PLEKHM3: variants seen among roughly 807,000 people sequenced by gnomAD.
The protein encoded by PLEKHM3 is pleckstrin homology domain containing M3, also known as pleckstrin homology domain-containing family M member 3.
A neutral mutation model predicts 81.8 loss-of-function variants in PLEKHM3; 45 were observed. The observed-to-expected ratio is 0.55, with a 90% confidence interval of 0.43 to 0.71. The LOEUF (loss-of-function observed/expected upper bound fraction) is 0.71. PLEKHM3 is among the 30% of genes least tolerant of loss of function. The pLI, the probability that PLEKHM3 is intolerant of heterozygous loss-of-function variation, is 0.00. For synonymous variants in PLEKHM3, 352 were observed against 356.4 expected, an observed-to-expected ratio of 0.99 and a Z score of 0.14; for missense variants, 788 against 924.3, an observed-to-expected ratio of 0.85 and a Z score of 1.91.
intron 5 of PLEKHM3, among the ~76,000 whole-genome samples, chr2:207,921,118 G>A (rs1196706556): frequency 6.6e-6 from 1 of 151,768 alleles, no homozygotes. Context: ...GCACTATCTT[G>A]GCTCACTGCA....
rs1176864922 is a variant in PLEKHM3 at position 207,821,290 on chromosome 2, T to C, written c.*7029A>G. On this transcript the variant is annotated 3_prime_UTR_variant, in exon 8 of 8. Transcript: ENST00000427836. ...CAAGTTGTTATGAGAAAGGAAAGTA[T>C]TTTCTGCATTGTTTATTGAGAGAGA... 2 of 152,000 alleles carry C rather than the reference T, an allele frequency of 1.3e-5. No homozygotes were observed. The highest frequency in any genetic ancestry group is 2.9e-5 in the Non-Finnish European group (2 of 68,034). 9.4% of individuals were successfully genotyped at this position (152,000 alleles called of 1,614,324 possible). A position where few individuals can be genotyped will look rare whatever the true frequency, so the allele number is the denominator to read the frequency against.
At chr2:207,989,641 C>T (rs1691834155) in intron 2 of PLEKHM3, among the ~76,000 whole-genome samples, 1 of 152,168 alleles carries the variant, frequency 6.6e-6, no homozygotes, top group Non-Finnish European at 1.5e-5. Context: ...GATTGGTTTC[C>T]ATCCCTTAGT....
intron 2 of PLEKHM3, among the ~76,000 whole-genome samples, chr2:207,980,404 CAGA>C (rs945629348): frequency 6.6e-6 from 1 of 152,068 alleles, no homozygotes; most frequent in Non-Finnish European, 1.5e-5. Context: ...CTTCTAGATG[CAGA>C]AGAAGAAAAA....
In PLEKHM3 at chr2:207,976,854, A is replaced by T; in HGVS notation, c.1343T>A (p.Met448Lys). 1 of 1,614,162 alleles carries T rather than the reference A, an allele frequency of 6.2e-7. No homozygotes were observed. Among genetic ancestry groups the T allele is most frequent in the Non-Finnish European group, 8.5e-7 (1 of 1,180,034 alleles). Residue 448 changes from methionine to lysine, a missense_variant, in exon 3 of 8, where the codon ATG becomes AAG. Transcript: ENST00000427836. This position sits in a 1 kb window ranked among gnomAD's most constrained non-coding sequence, Gnocchi z 4.1. ...ATTGGCAGCTATCTTCAGAGCCTCCATCCATTCCTGAGCCCTCTGTCGGGT... is the reference window on the plus strand; with the variant it reads ...ATTGGCAGCTATCTTCAGAGCCTCCTTCCATTCCTGAGCCCTCTGTCGGGT... ...AETRQRAQEW[M>K]EALKIAANVA...
intron 4 of PLEKHM3, among the ~76,000 whole-genome samples, chr2:207,943,516 G>C (rs1262565137): frequency 6.6e-6 from 1 of 152,174 alleles, no homozygotes; most frequent in East Asian, 1.9e-4. Flanking sequence ...CTCCAGTAGG[G>C]AGTTAGATTC....
intron 2 of PLEKHM3, among the ~76,000 whole-genome samples, chr2:207,998,760 A>G (rs1166267527): frequency 6.6e-6 from 1 of 152,188 alleles, no homozygotes; most frequent in East Asian, 1.9e-4. Context: ...TTACAATCAA[A>G]ACAAGATAGG....
At position 207,997,749 on chromosome 2, in the gene PLEKHM3, G is replaced by C. The variant is rs564669424; in HGVS notation, c.610+3281C>G. Among the ~76,000 whole-genome samples, 67 of 152,286 alleles carry C rather than the reference G, an allele frequency of 4.4e-4. 1 individual carries two copies. The highest frequency in any genetic ancestry group is 4.1e-3 in the Admixed American group (62 of 15,298). The stretch of plus-strand genomic sequence containing the variant: ...TTTCAACAAAAATGCTCACCAGGCA[G>C]TTGGAGATGCGAGTCTGCAGCTCAA... On this transcript the variant is annotated intron_variant, in intron 2 of 7. Transcript: ENST00000427836.
chr2:207,884,747 T>C (rs1687832995), intron 6 of PLEKHM3, among the ~76,000 whole-genome samples: 1 of 152,224 alleles, frequency 6.6e-6, no homozygotes, highest in Non-Finnish European at 1.5e-5. Flanking sequence ...ACTATTTAAA[T>C]ATGTATTGAA....
At chr2:208,020,156 CACAGGTAAACTGGCTAATGCGAG>C (rs555323380) in intron 1 of PLEKHM3, among the ~76,000 whole-genome samples, 148 of 152,288 alleles carry the variant, frequency 9.7e-4, no homozygotes, top group African/African-American at 3.6e-3. Flanking sequence ...CGTAAGTATT[CACAGGTAAACTGGCTAATGCGAG>C]ACAGAAGAGC....
At position 207,824,943 on chromosome 2, in the gene PLEKHM3, G is replaced by C. The variant is rs115703176; in HGVS notation, c.*3376C>G. 4 of 152,090 alleles carry C rather than the reference G, an allele frequency of 2.6e-5. No homozygotes were observed. The highest frequency in any genetic ancestry group is 9.7e-5 in the African/African-American group (4 of 41,386). 9.4% of individuals were successfully genotyped at this position (152,090 alleles called of 1,614,324 possible). On this transcript the variant is annotated 3_prime_UTR_variant, in exon 8 of 8. Transcript: ENST00000427836. Reference sequence around the variant, plus strand: ...GCCTACTCTAGAAGAATCAAAAACCGATGACCCTCTCAGCGAATCCGATGT... The same window carrying C: ...GCCTACTCTAGAAGAATCAAAAACCCATGACCCTCTCAGCGAATCCGATGT...
intron 1 of PLEKHM3, among the ~76,000 whole-genome samples, chr2:208,013,444 A>G (rs539086583): frequency 6.7e-6 from 1 of 149,910 alleles, no homozygotes; most frequent in Admixed American, 6.7e-5. Flanking sequence ...TAAACCCAGG[A>G]GGCGGAGGTT....
rs373936791 is a variant in PLEKHM3, at chr2:207,931,109, T to C, written c.1703A>G (p.Gln568Arg). The change falls in exon 5 of 8, where the codon CAG (glutamine) becomes CGG (arginine). Residue 568 changes from glutamine (Q) to arginine (R), a missense_variant. By Grantham distance (43) the Gln-to-Arg change is conservative. Coordinates refer to ENST00000427836, the MANE Select transcript of PLEKHM3 (RefSeq NM_001080475.3). The part of the protein sequence containing the change: ...WDTSKYKVSK[Q>R]AKEFLEYVYE... The stretch of plus-strand genomic sequence containing the variant: ...CACGTACTCCAGAAACTCCTTGGCC[T>C]GCTTCGACACCTACAAAACAAGCGT... 1.1e-5 allele frequency: 18 copies of C among 1,610,008 alleles called. No individual in the cohort carries two copies. Among genetic ancestry groups the C allele is most frequent in the Non-Finnish European group, 1.5e-5 (18 of 1,177,524 alleles).
intron 7 of PLEKHM3, among the ~76,000 whole-genome samples, chr2:207,834,502 C>T (rs1403974350): frequency 2.1e-4 from 32 of 149,904 alleles, no homozygotes; most frequent in South Asian, 1.9e-3. Context: ...CTCGGCTCAC[C>T]GCAACCTCCA....
intron 3 of PLEKHM3, among the ~76,000 whole-genome samples, chr2:207,946,715 A>G (rs1690144195): frequency 6.6e-6 from 1 of 152,122 alleles, no homozygotes; most frequent in African/African-American, 2.4e-5. Flanking sequence ...CTCCTAGGGT[A>G]TTGCTGTAAG....
In PLEKHM3 at chr2:207,976,969, A is replaced by G. The variant is rs1691334071; in HGVS notation, c.1228T>C (p.Cys410Arg). 5.6e-6 allele frequency: 9 copies of G among 1,614,210 alleles called. No individual in the cohort carries two copies. The East Asian group carries it at 2.0e-4, about 36-fold the overall frequency. ...DPLLSYNVDV[C>R]LAVQMDNLDG... ...AGGTTGTCCATCTGGACAGCCAGAC[A>G]CACGTCCACGTTGTAGCTCAACAGT... Residue 410 changes from cysteine (C) to arginine (R), a missense_variant, in exon 3 of 8, where the codon TGT (cysteine) becomes CGT (arginine). Transcript: ENST00000427836. The surrounding 1 kb of genome is among the most constrained non-coding windows in gnomAD (Gnocchi z 4.1).
intron 6 of PLEKHM3, among the ~76,000 whole-genome samples, chr2:207,891,366 C>T (rs144665552): frequency 9.7e-4 from 147 of 152,294 alleles, no homozygotes; most frequent in African/African-American, 3.4e-3. Context: ...CTCACTTAAC[C>T]TCACAACCTT....
In PLEKHM3 at chr2:207,976,868, C is replaced by T. The variant is rs767872332; in HGVS notation, c.1329G>A (p.Arg443=). The T allele has an allele frequency of 1.2e-6, 2 of 1,614,110 alleles. No individual in the cohort carries two copies. Among genetic ancestry groups the T allele is most frequent in the Non-Finnish European group, 1.7e-6 (2 of 1,180,056 alleles). The change falls in exon 3 of 8, where the codon AGG becomes AGA. Residue 443 remains arginine (R), a synonymous_variant. Coordinates refer to ENST00000427836, the MANE Select transcript of PLEKHM3 (RefSeq NM_001080475.3). The surrounding 1 kb of genome is among the most constrained non-coding windows in gnomAD (Gnocchi z 4.1). ...VLRLRAETRQ[R]AQEWMEALKI... ...TCAGAGCCTCCATCCATTCCTGAGCCCTCTGTCGGGTCTCAGCTCGGAGGC... is the reference window on the plus strand; with the variant it reads ...TCAGAGCCTCCATCCATTCCTGAGCTCTCTGTCGGGTCTCAGCTCGGAGGC...
At chr2:207,938,337 G>C (rs187148860) in intron 4 of PLEKHM3, among the ~76,000 whole-genome samples, 297 of 152,248 alleles carry the variant, frequency 2.0e-3, no homozygotes, top group African/African-American at 6.8e-3. Flanking sequence ...GAAAATAGAC[G>C]AAATCCTGCT....
Position 207,948,422 on chromosome 2 carries a change from C to T in PLEKHM3, c.1547-1910G>A, listed in dbSNP as rs547753448. On this transcript the variant is annotated intron_variant, in intron 3 of 7. Transcript: ENST00000427836. ...CCAAGCTGGAGTGCAGTGGCACCAT[C>T]TCAGCTCACTGCAAACTCCACCTTC... Among the ~76,000 whole-genome samples the T allele has an allele frequency of 2.1e-5, 3 of 141,270 alleles. No homozygotes were observed. In the East Asian group the frequency reaches 6.5e-4, roughly 31 times the overall value. The allele number at this position is 141,270 out of a possible 152,430, so 92.7% of individuals were successfully genotyped here.
Sources: allele counts gnomAD v4.1 joint callset (sites outside exome capture counted in the v4.1 genomes callset), GRCh38; gene constraint gnomAD v4.1.1; non-coding constraint Gnocchi (gnomAD v3.1); transcripts MANE v1.5; gene names NCBI Gene and HGNC (gene_info 2026-07-23, HGNC 2026-07-21).